SCARA3: variants seen among roughly 807,000 people sequenced by gnomAD.
The protein encoded by SCARA3 is scavenger receptor class A member 3, also known as cellular stress response gene protein.
A neutral mutation model predicts 47.0 loss-of-function variants in SCARA3; 39 were observed. That is an observed-to-expected ratio of 0.83 (90% confidence interval 0.64 to 1.08). The LOEUF is 1.08. SCARA3 is among the 50% of genes least tolerant of loss of function. The pLI, the probability that SCARA3 is intolerant of heterozygous loss-of-function variation, is 0.00. For missense variants in SCARA3, 724 were observed against 792.3 expected, an observed-to-expected ratio of 0.91 and a Z score of 1.04; for synonymous variants, 356 against 334.1, an observed-to-expected ratio of 1.07 and a Z score of -0.71.
chr8:27,677,586 T>C (rs552599109), downstream of SCARA3, among the ~76,000 whole-genome samples: 5 of 152,340 alleles, frequency 3.3e-5, no homozygotes, highest in South Asian at 1.0e-3. Context: ...GCAGCTATTC[T>C]AGACTACAGT....
chr8:27,716,929 G>A, the SCARA3 span, among the ~76,000 whole-genome samples: 3 of 152,270 alleles, frequency 2.0e-5, no homozygotes, highest in South Asian at 2.1e-4. Flanking sequence ...AGAAGAACAC[G>A]GCATCACCTT....
chr8:27,634,081 C>A lies in SCARA3; in HGVS notation c.-120C>A. The A allele has an allele frequency of 3.2e-6, 3 of 930,184 alleles. No individual in the cohort carries two copies. The highest frequency in any genetic ancestry group is 4.3e-6 in the Non-Finnish European group (3 of 690,968). The allele number at this position is 930,184 out of a possible 1,614,324, so 57.6% of individuals were successfully genotyped here. A position where few individuals can be genotyped will look rare whatever the true frequency, so the allele number is the denominator to read the frequency against. Reference sequence around the variant, plus strand: ...AGCATGAGTCCCGGCCGGAGCCCCACGGCCGCGGGCGGCGCCTAGGACGGC... The same window carrying A: ...AGCATGAGTCCCGGCCGGAGCCCCAAGGCCGCGGGCGGCGCCTAGGACGGC... On this transcript the variant is annotated 5_prime_UTR_variant, in exon 1 of 6. Coordinates refer to ENST00000301904, the MANE Select transcript of SCARA3 (RefSeq NM_016240.3).
At chr8:27,636,260 G>C (rs1801247176) in intron 1 of SCARA3, among the ~76,000 whole-genome samples, 1 of 152,192 alleles carries the variant, frequency 6.6e-6, no homozygotes, top group Admixed American at 6.5e-5. Context: ...CATTCTCAGA[G>C]TGGCTCCACC....
At chr8:27,656,070 G>A (rs926913241) in intron 3 of SCARA3, among the ~76,000 whole-genome samples, 1 of 152,178 alleles carries the variant, frequency 6.6e-6, no homozygotes, top group Non-Finnish European at 1.5e-5. Flanking sequence ...CAATGCCTAT[G>A]TCATTCACCC....
intron 1 of SCARA3, among the ~76,000 whole-genome samples, chr8:27,648,508 G>A (rs1354793930): frequency 3.3e-5 from 5 of 152,142 alleles, no homozygotes; most frequent in Non-Finnish European, 7.4e-5. Flanking sequence ...GGAGGCTGAG[G>A]CAGGAGAATG....
At chr8:27,651,474 G>T (rs1431889739) in intron 2 of SCARA3, 34 bp from the exon 3 acceptor site, 2 of 1,605,014 alleles carry the variant, frequency 1.2e-6, no homozygotes, top group East Asian at 4.5e-5. Context: ...TGGGCCCCTG[G>T]CCTAAGCCAT....
chr8:27,646,968 C>T (rs1030250068), intron 1 of SCARA3, among the ~76,000 whole-genome samples: 10 of 42,732 alleles, frequency 2.3e-4, no homozygotes, highest in African/African-American at 5.6e-4. Flanking sequence ...CCCTGACCGC[C>T]CCCGCCCCCC....
At chr8:27,724,320 G>A in the SCARA3 span, among the ~76,000 whole-genome samples, 1 of 152,134 alleles carries the variant, frequency 6.6e-6, no homozygotes, top group African/African-American at 2.4e-5. Flanking sequence ...AACCATGTGA[G>A]CAAGTAGGAG....
intron 3 of SCARA3, 151 bp downstream of exon 3, chr8:27,651,778 T>A (rs1156461964): frequency 1.3e-5 from 14 of 1,118,450 alleles, no homozygotes; most frequent in South Asian, 1.6e-5. Flanking sequence ...CTATGCCTAA[T>A]GCAAACTGCA....
At chr8:27,727,876 G>T in the SCARA3 span, among the ~76,000 whole-genome samples, 264 of 152,292 alleles carry the variant, frequency 1.7e-3, 1 homozygote, top group Admixed American at 0.015. Flanking sequence ...AGCTCTACAA[G>T]ATGTGACAAT....
chr8:27,645,813 C>T (rs1801480684), intron 1 of SCARA3, among the ~76,000 whole-genome samples: 1 of 152,190 alleles, frequency 6.6e-6, no homozygotes, highest in African/African-American at 2.4e-5. Flanking sequence ...CAAGGAGGCA[C>T]TACGGATGCC....
At chr8:27,708,754 G>A in the SCARA3 span, among the ~76,000 whole-genome samples, 3 of 152,066 alleles carry the variant, frequency 2.0e-5, no homozygotes, top group Non-Finnish European at 2.9e-5. Context: ...GGTATATTGT[G>A]TGATGCTGAG....
At chr8:27,714,050 C>T in the SCARA3 span, among the ~76,000 whole-genome samples, 3 of 152,088 alleles carry the variant, frequency 2.0e-5, no homozygotes, top group Admixed American at 2.0e-4. Context: ...TACCTGCTTC[C>T]CTTTCACCTT....
Position 27,658,717 on chromosome 8 carries a change from C to A in SCARA3, c.547C>A (p.Gln183Lys). ...SCSFSIHQVN[Q>K]SLGLFLAQVR... The stretch of plus-strand genomic sequence containing the variant: ...CTCCTTCTCCATCCACCAGGTTAAC[C>A]AGTCTCTGGGGCTCTTCCTGGCCCA... The change falls in exon 5 of 6, where the codon CAG (glutamine) becomes AAG (lysine). Residue 183 changes from glutamine to lysine, a missense_variant. By Grantham distance (53) the Gln-to-Lys change is moderately conservative. Coordinates refer to ENST00000301904, the MANE Select transcript of SCARA3 (RefSeq NM_016240.3). The A allele has an allele frequency of 6.2e-7, 1 of 1,614,116 alleles. No individual in the cohort carries two copies. The highest frequency in any genetic ancestry group is 1.1e-5 in the South Asian group (1 of 91,074).
intron 3 of SCARA3, among the ~76,000 whole-genome samples, chr8:27,652,487 GC>G (rs963930109): frequency 6.6e-6 from 1 of 152,164 alleles, no homozygotes; most frequent in African/African-American, 2.4e-5. Context: ...GTAGGGAGAG[GC>G]AGTCGAGGCT....
At chr8:27,726,976 G>A in the SCARA3 span, among the ~76,000 whole-genome samples, 190 of 152,134 alleles carry the variant, frequency 1.2e-3, 2 homozygotes, top group East Asian at 0.025. Context: ...GTCTCACCAT[G>A]TTGGTCAGGC....
At chr8:27,659,848 T>TAAAAAAAAAAAA (rs1164812144) in intron 5 of SCARA3, among the ~76,000 whole-genome samples, 1 of 40,336 alleles carries the variant, frequency 2.5e-5, no homozygotes, top group Non-Finnish European at 3.9e-5. Flanking sequence ...AGTCCTTATC[T>TAAAAAAAAAAAA]AAAAAAAAAA....
intron 1 of SCARA3, among the ~76,000 whole-genome samples, chr8:27,645,524 C>T (rs537370719): frequency 4.6e-5 from 7 of 152,332 alleles, no homozygotes; most frequent in South Asian, 2.1e-4. Flanking sequence ...CACTCAAATG[C>T]GTGTTTGGAT....
At chr8:27,634,354 C>A (rs1801200977) in intron 1 of SCARA3, 147 bp downstream of exon 1, 1 of 597,484 alleles carries the variant, frequency 1.7e-6, no homozygotes, top group Non-Finnish European at 2.5e-6. Context: ...GGGCATCCTG[C>A]GAGACAGGAC....
Sources: allele counts gnomAD v4.1 joint callset (sites outside exome capture counted in the v4.1 genomes callset), GRCh38; gene constraint gnomAD v4.1.1; transcripts MANE v1.5; gene names NCBI Gene and HGNC (gene_info 2026-07-23, HGNC 2026-07-21).